Variants in DCC observed in about 807,000 individuals in gnomAD.
The protein encoded by DCC is DCC netrin 1 receptor.
Under a neutral mutation model 172.5 loss-of-function variants are expected in DCC, and 58 were observed. The observed-to-expected ratio is 0.34, with a 90% CI of 0.27 to 0.42. The LOEUF is 0.42. Ranked by LOEUF, DCC falls within the 10% of genes least tolerant of loss-of-function variation. DCC has a pLI of 1.00. For synonymous variants in DCC, 709 were observed against 644.5 expected (o/e 1.10, Z -1.52); for missense variants, 1,740 against 1,791.0 (o/e 0.97, Z 0.51).
intron 5 of DCC, among the ~76,000 whole-genome samples, chr18:53,048,352 C>T (rs1015127973): frequency 7.3e-5 from 11 of 151,712 alleles, no homozygotes; most frequent in Admixed American, 1.3e-4. Flanking sequence ...GTTTAGCTCC[C>T]GCTTATAAGT....
intron 19 of DCC, among the ~76,000 whole-genome samples, chr18:53,403,295 G>A (rs893584698): frequency 1.9e-5 from 1 of 53,840 alleles, no homozygotes; most frequent in African/African-American, 4.0e-5. Context: ...GACTGTGTTT[G>A]TGTGTGTTTG....
chr18:53,178,254 G>T (rs184511145), intron 8 of DCC, among the ~76,000 whole-genome samples: 2 of 152,102 alleles, frequency 1.3e-5, no homozygotes, highest in Non-Finnish European at 2.9e-5. Context: ...CTCTTAATAC[G>T]CACTATAAAT....
intron 2 of DCC, among the ~76,000 whole-genome samples, chr18:52,799,027 G>A (rs1183588877): frequency 6.6e-6 from 1 of 152,210 alleles, no homozygotes; most frequent in Admixed American, 6.5e-5. Flanking sequence ...GGGATTACAG[G>A]CGTGAGCCAC....
rs191985861 is a variant in DCC at position 53,013,541 on chromosome 18, G to C, written c.986-49764G>C. 8.9e-4 allele frequency among the ~76,000 whole-genome samples: 135 copies of C among 151,940 alleles called. 1 individual carries two copies. The highest frequency in any genetic ancestry group is 3.1e-3 in the African/African-American group (129 of 41,432). Reference sequence around the variant, plus strand: ...AACATCACACAACAGGGCATTATCGGGGGGTGGGGAGTGAGGGGAGTGAGA... The same window carrying C: ...AACATCACACAACAGGGCATTATCGCGGGGTGGGGAGTGAGGGGAGTGAGA... On this transcript the variant is annotated intron_variant, in intron 5 of 28. Coordinates refer to ENST00000442544, the MANE Select transcript of DCC (RefSeq NM_005215.4).
At chr18:52,364,018 G>A (rs1446954395) in intron 1 of DCC, among the ~76,000 whole-genome samples, 1 of 152,182 alleles carries the variant, frequency 6.6e-6, no homozygotes, top group Non-Finnish European at 1.5e-5. Context: ...GGCCCCCTGA[G>A]ACTGACACCT....
intron 2 of DCC, among the ~76,000 whole-genome samples, chr18:52,784,831 C>A (rs764167548): frequency 1.3e-5 from 2 of 150,218 alleles, no homozygotes; most frequent in Non-Finnish European, 3.0e-5. Context: ...AGGACCCAGA[C>A]ACATGTGAGT....
At chr18:53,164,983 G>T (rs1056178020) in intron 8 of DCC, among the ~76,000 whole-genome samples, 1 of 152,160 alleles carries the variant, frequency 6.6e-6, no homozygotes, top group Admixed American at 6.6e-5. Context: ...AAGGTTTCTA[G>T]TCCAGTGATC....
chr18:52,637,591 G>A (rs113448791), intron 1 of DCC, among the ~76,000 whole-genome samples: 9,177 of 152,200 alleles, frequency 0.06, 373 homozygotes, highest in Middle Eastern at 0.13. Context: ...CACGATCTTC[G>A]AATTAGCCCA....
chr18:53,166,046 T>TGG (rs1469315175), intron 8 of DCC, among the ~76,000 whole-genome samples: 2 of 152,038 alleles, frequency 1.3e-5, no homozygotes, highest in Admixed American at 1.3e-4. Flanking sequence ...AAACAAAAGA[T>TGG]GGTAGCTTGG....
At chr18:52,919,370 C>T (rs2040085743) in intron 3 of DCC, among the ~76,000 whole-genome samples, 1 of 152,178 alleles carries the variant, frequency 6.6e-6, no homozygotes, top group African/African-American at 2.4e-5. Flanking sequence ...GTATGAACTA[C>T]TTACTATTAA....
At chr18:53,494,552 T>C (rs1027007542) in intron 26 of DCC, among the ~76,000 whole-genome samples, 2 of 152,248 alleles carry the variant, frequency 1.3e-5, no homozygotes, top group Non-Finnish European at 2.9e-5. Context: ...ATTGATCCCT[T>C]TAACCATTAT....
intron 12 of DCC, among the ~76,000 whole-genome samples, chr18:53,251,363 C>T (rs1412648194): frequency 6.6e-6 from 1 of 151,900 alleles, no homozygotes; most frequent in African/African-American, 2.4e-5. Context: ...CCACATTGGA[C>T]TCCGCTCACT....
chr18:53,519,533 T>G (rs1173216548), intron 27 of DCC, among the ~76,000 whole-genome samples: 2 of 151,994 alleles, frequency 1.3e-5, no homozygotes, highest in South Asian at 4.1e-4. Context: ...GAAGTGTTTT[T>G]TTTTTTTTTC....
intron 2 of DCC, among the ~76,000 whole-genome samples, chr18:52,866,378 CT>C (rs985482290): frequency 6.6e-6 from 1 of 152,048 alleles, no homozygotes; most frequent in Non-Finnish European, 1.5e-5. Context: ...TAAAGGGGTT[CT>C]TTTTTGGTTC....
intron 7 of DCC, among the ~76,000 whole-genome samples, chr18:53,095,872 A>G (rs8082811): frequency 0.25 from 37,021 of 146,370 alleles, 5,902 homozygotes; most frequent in African/African-American, 0.44. Flanking sequence ...ATGTGTGCAT[A>G]CAGAGTAGGC....
chr18:53,012,280 C>A (rs528325010), intron 5 of DCC, among the ~76,000 whole-genome samples: 1 of 152,034 alleles, frequency 6.6e-6, no homozygotes, highest in African/African-American at 2.4e-5. Context: ...AATCTGGAAA[C>A]AACCCTAGTA....
chr18:53,476,492 T>C (rs2045764441), intron 25 of DCC, among the ~76,000 whole-genome samples: 1 of 152,194 alleles, frequency 6.6e-6, no homozygotes, highest in Non-Finnish European at 1.5e-5. Flanking sequence ...AATGAGAGTC[T>C]CCTTGCACAA....
At chr18:52,841,342 A>G (rs1453024352) in intron 2 of DCC, among the ~76,000 whole-genome samples, 1 of 152,112 alleles carries the variant, frequency 6.6e-6, no homozygotes, top group African/African-American at 2.4e-5. Context: ...GGAGAGTAAG[A>G]CTAGACCAGT....
At position 52,603,523 on chromosome 18, in the gene DCC, A is replaced by T. The variant is rs1482232454; in HGVS notation, c.92-148531A>T. On this transcript the variant is annotated intron_variant, in intron 1 of 28. Transcript: ENST00000442544. The stretch of plus-strand genomic sequence containing the variant: ...AAAGACTAAAGCAAAATAAAAGTTT[A>T]ACTTAAAAAGTTGAGATTATTTTTT... Among the ~76,000 whole-genome samples, 3 of 151,984 alleles carry T rather than the reference A, an allele frequency of 2.0e-5. 1 individual carries two copies. Among genetic ancestry groups the T allele is most frequent in the Non-Finnish European group, 4.4e-5 (3 of 67,968 alleles).
Sources: gnomAD v4.1 joint callset for allele counts (sites outside exome capture counted in the v4.1 genomes callset) on GRCh38, gnomAD v4.1.1 for gene constraint, MANE v1.5 for transcripts, NCBI Gene and HGNC (gene_info 2026-07-23, HGNC 2026-07-21) for gene names.